Variants in ERC2 observed in about 807,000 individuals in gnomAD.
ERC2 encodes the protein ERC protein 2.
A neutral mutation model predicts 114.8 loss-of-function variants in ERC2; 42 were observed. That is an observed-to-expected ratio of 0.37 (90% CI 0.29 to 0.47). The LOEUF is 0.47. Among genes scored for constraint, ERC2 ranks in the 20% least tolerant of loss-of-function variants. The probability of loss-of-function intolerance (pLI) is 0.99; values close to 1 mark genes in which losing one functional copy is unlikely to be tolerated. For synonymous variants in ERC2, 454 were observed against 425.5 expected, an observed-to-expected ratio of 1.07 and a Z score of -0.82; for missense variants, 939 against 1,150.7, an observed-to-expected ratio of 0.82 and a Z score of 2.66.
chr3:55,577,239 T>G (rs530216156), intron 17 of ERC2, among the ~76,000 whole-genome samples: 2 of 151,858 alleles, frequency 1.3e-5, no homozygotes, highest in South Asian at 2.1e-4. Context: ...TACTTTTTAA[T>G]TCTAAATTCC....
At chr3:55,854,314 T>C (rs974850706) in intron 14 of ERC2, among the ~76,000 whole-genome samples, 23 of 152,138 alleles carry the variant, frequency 1.5e-4, no homozygotes, top group African/African-American at 4.8e-4. Context: ...CTAGATAAGA[T>C]TTAAAATCCC....
intron 17 of ERC2, among the ~76,000 whole-genome samples, chr3:55,583,099 C>G (rs185970043): frequency 5.1e-4 from 77 of 152,284 alleles, no homozygotes; most frequent in African/African-American, 1.8e-3. Context: ...TTGTATCATC[C>G]TTACAGTGGT....
At chr3:55,879,553 C>T (rs1264604368) in intron 14 of ERC2, among the ~76,000 whole-genome samples, 1 of 152,172 alleles carries the variant, frequency 6.6e-6, no homozygotes, top group Non-Finnish European at 1.5e-5. Flanking sequence ...TCACTACATG[C>T]CTCCTCACAG....
chr3:55,613,826 A>G (rs111955493), intron 17 of ERC2, among the ~76,000 whole-genome samples: 3 of 152,028 alleles, frequency 2.0e-5, no homozygotes, highest in Admixed American at 6.5e-5. Flanking sequence ...ACTAAAAAAT[A>G]CAAAAAATCA....
At chr3:55,632,029 G>A (rs1289160217) in intron 17 of ERC2, among the ~76,000 whole-genome samples, 1 of 152,172 alleles carries the variant, frequency 6.6e-6, no homozygotes, top group Non-Finnish European at 1.5e-5. Context: ...GAGGAACTGC[G>A]ATTGCAACCA....
At chr3:55,589,233 A>AG (rs201705507) in intron 17 of ERC2, among the ~76,000 whole-genome samples, 1,805 of 148,434 alleles carry the variant, frequency 0.012, 34 homozygotes, top group African/African-American at 0.039. Context: ...AAAAAAAAAA[A>AG]AGAGAGAGAG....
rs1398297440 is a variant in ERC2 at position 56,348,955 on chromosome 3, GGAAA to G, written c.658-52524_658-52521del. Among the ~76,000 whole-genome samples, 322 of 116,660 alleles carry G rather than the reference GGAAA, an allele frequency of 2.8e-3. 1 individual carries two copies. Among genetic ancestry groups the G allele is most frequent in the East Asian group, 0.022 (91 of 4,116 alleles). The allele number at this position is 116,660 out of a possible 152,430, so 76.5% of individuals were successfully genotyped here. On this transcript the variant is annotated intron_variant, in intron 2 of 17. Transcript: ENST00000288221. Reference sequence around the variant, plus strand: ...AGGAAGGAAGGAAGGAAGGAAGGAAGGAAAGAAAGAAAGAAGGAAAGAAAGAAGG... The same window carrying G: ...AGGAAGGAAGGAAGGAAGGAAGGAAGGAAAGAAAGAAGGAAAGAAAGAAGG...
chr3:55,986,069 G>C, intron 11 of ERC2, 81 bp from the exon 12 acceptor site: 1 of 1,325,560 alleles, frequency 7.5e-7, no homozygotes, highest in East Asian at 2.5e-5. Context: ...TAAAAGGAAG[G>C]AAATGCATTA....
chr3:56,384,649 G>A (rs1244577515), intron 2 of ERC2, among the ~76,000 whole-genome samples: 2 of 152,056 alleles, frequency 1.3e-5, no homozygotes, highest in Non-Finnish European at 2.9e-5. Context: ...CTCCCATTCT[G>A]TGGACTGCTT....
chr3:55,568,893 C>T (rs975176284), intron 17 of ERC2, among the ~76,000 whole-genome samples: 1 of 152,186 alleles, frequency 6.6e-6, no homozygotes, highest in Admixed American at 6.5e-5. Context: ...CCTATCCTCG[C>T]TCCACTCATG....
chr3:56,077,532 T>C (rs1445901121), intron 7 of ERC2, among the ~76,000 whole-genome samples: 1 of 152,212 alleles, frequency 6.6e-6, no homozygotes, highest in Non-Finnish European at 1.5e-5. Context: ...TGCAAAACAT[T>C]TGCATTGGCA....
In ERC2 at chr3:55,655,848, C is replaced by G. The variant is rs1176820008; in HGVS notation, c.*39+27946G>C. Among the ~76,000 whole-genome samples, 5 of 152,338 alleles carry G rather than the reference C, an allele frequency of 3.3e-5. No individual in the cohort carries two copies. In the South Asian group the frequency reaches 1.0e-3, roughly 32 times the overall value. On this transcript the variant is annotated intron_variant, in intron 17 of 17. Coordinates refer to ENST00000288221, the MANE Select transcript of ERC2 (RefSeq NM_015576.3). ...GCCACTAACAGCTAATGAGTGCAAC[C>G]ACGTCAGGTGCCCTGCTAAACCCTT... is the stretch of plus-strand genomic sequence containing the variant.
At chr3:56,293,256 A>T (rs1246953674) in intron 3 of ERC2, among the ~76,000 whole-genome samples, 1 of 152,236 alleles carries the variant, frequency 6.6e-6, no homozygotes, top group Non-Finnish European at 1.5e-5. Flanking sequence ...TAATACACAC[A>T]TAATCATAAT....
intron 3 of ERC2, among the ~76,000 whole-genome samples, chr3:56,235,032 G>T (rs1300861977): frequency 6.6e-6 from 1 of 152,142 alleles, no homozygotes; most frequent in Admixed American, 6.5e-5. Flanking sequence ...TTTCCCTATA[G>T]CCTTGAAACA....
At chr3:56,083,338 A>C (rs1037673198) in intron 6 of ERC2, among the ~76,000 whole-genome samples, 1 of 152,172 alleles carries the variant, frequency 6.6e-6, no homozygotes, top group African/African-American at 2.4e-5. Flanking sequence ...GAAATTCTAA[A>C]AGAGGTGAAA....
chr3:56,403,373 T>G (rs2060591902), intron 2 of ERC2, among the ~76,000 whole-genome samples: 1 of 152,152 alleles, frequency 6.6e-6, no homozygotes, highest in South Asian at 2.1e-4. Flanking sequence ...TAAATGAAAT[T>G]AAATAAAATC....
chr3:56,283,294 C>T (rs1448521210), intron 3 of ERC2, among the ~76,000 whole-genome samples: 1 of 152,154 alleles, frequency 6.6e-6, no homozygotes, highest in Non-Finnish European at 1.5e-5. Context: ...CTGACAGGAA[C>T]ACCACTGTGT....
At chr3:56,180,166 C>G (rs1198075716) in intron 3 of ERC2, among the ~76,000 whole-genome samples, 1 of 152,162 alleles carries the variant, frequency 6.6e-6, no homozygotes. Flanking sequence ...TAGGATGAAG[C>G]TAGAGAATTG....
chr3:55,931,624 G>A (rs1260690884), intron 13 of ERC2, among the ~76,000 whole-genome samples: 1 of 152,130 alleles, frequency 6.6e-6, no homozygotes, highest in Admixed American at 6.5e-5. Flanking sequence ...CTAGGGGAGG[G>A]ATAGCATTAG....
Sources: allele counts gnomAD v4.1 joint callset (sites outside exome capture counted in the v4.1 genomes callset), GRCh38; gene constraint gnomAD v4.1.1; transcripts MANE v1.5; gene names NCBI Gene and HGNC (gene_info 2026-07-23, HGNC 2026-07-21).